DERL1: variants seen among roughly 807,000 people sequenced by gnomAD.
DERL1 encodes derlin 1, also known as derlin-1.
Under a neutral mutation model 41.6 loss-of-function variants are expected in DERL1, and 24 were observed. That is an observed-to-expected ratio of 0.58 (90% CI 0.42 to 0.81). DERL1 has a LOEUF of 0.81. Ranked by LOEUF, DERL1 falls within the 30% of genes least tolerant of loss-of-function variation. The probability of loss-of-function intolerance (pLI) is 0.00; values close to 1 mark genes in which losing one functional copy is unlikely to be tolerated. For synonymous variants in DERL1, 124 were observed against 112.5 expected (o/e 1.10, Z -0.65); for missense variants, 260 against 314.3 (o/e 0.83, Z 1.31).
chr8:123,030,982 T>TATATG (rs1325228892), intron 1 of DERL1, among the ~76,000 whole-genome samples: 1 of 152,088 alleles, frequency 6.6e-6, no homozygotes, highest in Non-Finnish European at 1.5e-5. Context: ...ACTATATGAG[T>TATATG]ATATGGTTAG....
intron 2 of DERL1, among the ~76,000 whole-genome samples, chr8:123,029,141 C>T (rs1812768190): frequency 2.0e-5 from 3 of 151,994 alleles, no homozygotes; most frequent in Admixed American, 2.0e-4. Context: ...GCTAAGCACT[C>T]AGTATCATTA....
At chr8:123,020,163 T>G (rs1814722237) in intron 6 of DERL1, among the ~76,000 whole-genome samples, 1 of 152,190 alleles carries the variant, frequency 6.6e-6, no homozygotes, top group Admixed American at 6.6e-5. Context: ...ATTGAAATAT[T>G]AAAAGTAGTT....
Position 123,030,650 on chromosome 8 carries a change from C to T in DERL1, c.220G>A (p.Val74Ile). The change falls in exon 2 of 8, where the codon GTC becomes ATC. Residue 74 changes from valine to isoleucine, a missense_variant. Coordinates refer to ENST00000259512, the MANE Select transcript of DERL1 (RefSeq NM_024295.6). ...VGPGTGFLYL[V>I]NLYFLYQYST... Reference sequence around the variant, plus strand: ...TACTGATATAAGAAATATAAATTGACCAAATAAAGAAATCCAGTTCCTGGA... The same window carrying T: ...TACTGATATAAGAAATATAAATTGATCAAATAAAGAAATCCAGTTCCTGGA... 6.2e-7 allele frequency: 1 copy of T among 1,611,896 alleles called. No individual in the cohort carries two copies. Among genetic ancestry groups the T allele is most frequent in the African/African-American group, 1.3e-5 (1 of 74,922 alleles).
chr8:123,037,550 A>G (rs1198037263), intron 1 of DERL1, among the ~76,000 whole-genome samples: 1 of 152,234 alleles, frequency 6.6e-6, no homozygotes, highest in Non-Finnish European at 1.5e-5. Flanking sequence ...TGAGACCATG[A>G]TTCAACTACT....
intron 5 of DERL1, 80 bp downstream of exon 5, chr8:123,022,604 G>T: frequency 7.1e-7 from 1 of 1,400,054 alleles, no homozygotes; most frequent in Non-Finnish European, 1.0e-6. Flanking sequence ...TTCTGGATGA[G>T]TCAGAAAGTA....
At chr8:123,034,310 T>C (rs947863015) in intron 1 of DERL1, among the ~76,000 whole-genome samples, 3 of 152,222 alleles carry the variant, frequency 2.0e-5, no homozygotes, top group Admixed American at 6.5e-5. Flanking sequence ...AAAAATAAAA[T>C]AGTTTAACAT....
At chr8:123,028,047 G>C (rs1270450896) in intron 2 of DERL1, among the ~76,000 whole-genome samples, 2 of 131,664 alleles carry the variant, frequency 1.5e-5, no homozygotes, top group African/African-American at 2.9e-5. Flanking sequence ...CTGGGTGACA[G>C]AGTGAAACTG....
At chr8:123,033,105 C>A (rs1006131359) in intron 1 of DERL1, among the ~76,000 whole-genome samples, 1 of 152,108 alleles carries the variant, frequency 6.6e-6, no homozygotes, top group African/African-American at 2.4e-5. Context: ...TCAAATGATG[C>A]TCCCACCTCA....
Position 123,027,703 on chromosome 8 carries a change from T to C in DERL1, c.266-2653A>G, listed in dbSNP as rs538210760. On this transcript the variant is annotated intron_variant, in intron 2 of 7. Transcript: ENST00000259512. Reference sequence around the variant, plus strand: ...GAGAGAATAACATTACAATTTGTTGTATTACCTGACCAGGTAATAGGGTTG... The same window carrying C: ...GAGAGAATAACATTACAATTTGTTGCATTACCTGACCAGGTAATAGGGTTG... Among the ~76,000 whole-genome samples the C allele has an allele frequency of 9.8e-5, 15 of 152,328 alleles. No homozygotes were observed. The South Asian group carries it at 3.1e-3, about 32-fold the overall frequency.
chr8:123,037,221 G>A (rs71514795), intron 1 of DERL1, among the ~76,000 whole-genome samples: 9 of 152,092 alleles, frequency 5.9e-5, no homozygotes, highest in Non-Finnish European at 1.3e-4. Context: ...TACTTATTGG[G>A]TATTACAAAC....
chr8:123,016,060 T>A (rs1259226980), intron 7 of DERL1: 1 of 152,366 alleles, frequency 6.6e-6, no homozygotes, highest in Non-Finnish European at 1.5e-5. Flanking sequence ...GCTGAGCCCA[T>A]CAAAGGAGAC....
chr8:123,035,745 T>C (rs976748553), intron 1 of DERL1, among the ~76,000 whole-genome samples: 1 of 152,172 alleles, frequency 6.6e-6, no homozygotes, highest in South Asian at 2.1e-4. Flanking sequence ...ACATAAGACA[T>C]TGTTCCTCAG....
intron 7 of DERL1, chr8:123,016,402 C>T (rs1368287074): frequency 6.6e-6 from 1 of 152,168 alleles, no homozygotes; most frequent in Non-Finnish European, 1.5e-5. Context: ...TGATCTGATA[C>T]CTCCGCTTAA....
chr8:123,022,313 G>A (rs1385345930), intron 5 of DERL1, among the ~76,000 whole-genome samples: 1 of 152,162 alleles, frequency 6.6e-6, no homozygotes, highest in Non-Finnish European at 1.5e-5. Context: ...GTGTTTGGGG[G>A]CAAAAACAAT....
chr8:123,026,283 C>T (rs369046174), intron 2 of DERL1, among the ~76,000 whole-genome samples: 1 of 152,156 alleles, frequency 6.6e-6, no homozygotes, highest in African/African-American at 2.4e-5. Context: ...AACACAATTT[C>T]CCGATTTTAA....
Position 123,015,521 on chromosome 8 carries a change from T to G in DERL1, c.682A>C (p.Arg228=). The G allele has an allele frequency of 1.9e-6, 3 of 1,613,338 alleles. No individual in the cohort carries two copies. ...CCGCCATTCTGATCAGCAGCTCGCC[T>G]CATGCTAGCAGGGGGCACACCAAAT... ...SGFGVPPASM[R]RAADQNGGGG... The change falls in exon 8 of 8, where the codon AGG becomes CGG. Residue 228 remains arginine (R), a synonymous_variant. Coordinates refer to ENST00000259512, the MANE Select transcript of DERL1 (RefSeq NM_024295.6).
chr8:123,015,566 T>C lies in DERL1; in HGVS notation c.637A>G (p.Arg213Gly), dbSNP rs1271445081. 1 of 1,610,458 alleles carries C rather than the reference T, an allele frequency of 6.2e-7. No individual in the cohort carries two copies. The highest frequency in any genetic ancestry group is 8.5e-7 in the Non-Finnish European group (1 of 1,178,426). Reference protein sequence around the residue: ...PQFLYRWLPSRRGGVSGFGVP... With the variant: ...PQFLYRWLPSGRGGVSGFGVP... ...CCAAATCCTGATACTCCTCCTCTCC[T>C]ACTGGGCAGCCAGCGGTACCTGGTG... The change falls in exon 8 of 8, where the codon AGG (arginine) becomes GGG (glycine). Residue 213 changes from arginine (R) to glycine (G), a missense_variant. Transcript: ENST00000259512.
chr8:123,028,744 T>C (rs2054460097), intron 2 of DERL1, among the ~76,000 whole-genome samples: 2 of 152,240 alleles, frequency 1.3e-5, no homozygotes, highest in African/African-American at 4.8e-5. Flanking sequence ...TCTATTTTAC[T>C]ATTGATATAA....
At position 123,015,177 on chromosome 8, in the gene DERL1, G is replaced by A. The variant is rs1814524955; in HGVS notation, c.*270C>T. ...AAAACCCATTATTCAGACGGAAAGG[G>A]GAGAAGAGAAGACACCAAAAAATGT... On this transcript the variant is annotated 3_prime_UTR_variant, in exon 8 of 8. Transcript: ENST00000259512. The A allele has an allele frequency of 2.9e-6, 1 of 341,176 alleles. No individual in the cohort carries two copies. The highest frequency in any genetic ancestry group is 6.6e-5 in the South Asian group (1 of 15,078). The allele number at this position is 341,176 out of a possible 1,614,324, so 21.1% of individuals were successfully genotyped here.
Sources: allele counts gnomAD v4.1 joint callset (sites outside exome capture counted in the v4.1 genomes callset), GRCh38; gene constraint gnomAD v4.1.1; transcripts MANE v1.5; gene names NCBI Gene and HGNC (gene_info 2026-07-23, HGNC 2026-07-21).